TNIP3: variants seen among roughly 807,000 people sequenced by gnomAD.
The protein encoded by TNIP3 is TNFAIP3 interacting protein 3.
In TNIP3, 34 loss-of-function variants were observed where a neutral mutation model predicts 54.1. That is an observed-to-expected ratio of 0.63 (90% CI 0.48 to 0.84). TNIP3 has a LOEUF of 0.84. TNIP3 is among the 40% of genes least tolerant of loss of function. The probability of loss-of-function intolerance (pLI) is 0.00; values close to 1 mark genes in which losing one functional copy is unlikely to be tolerated. For synonymous variants in TNIP3, 134 were observed against 136.8 expected (o/e 0.98, Z 0.14); for missense variants, 366 against 387.6 (o/e 0.94, Z 0.47).
At chr4:121,213,652 T>A (rs929548441) in intron 2 of TNIP3, among the ~76,000 whole-genome samples, 2 of 149,112 alleles carry the variant, frequency 1.3e-5, no homozygotes, top group African/African-American at 5.0e-5. Flanking sequence ...GCATGAACCC[T>A]GGAGGTGGAG....
At chr4:121,141,390 T>G (rs74507662) in intron 9 of TNIP3, among the ~76,000 whole-genome samples, 3,227 of 152,312 alleles carry the variant, frequency 0.021, 75 homozygotes, top group Admixed American at 0.034. Flanking sequence ...TTGGAAAATG[T>G]CAAAATCTAT....
In TNIP3 at chr4:121,182,903, C is replaced by T. The variant is rs1384743835; in HGVS notation, c.69-107G>A. On this transcript the variant is annotated intron_variant, in intron 2 of 12. Transcript: ENST00000507879. The stretch of plus-strand genomic sequence containing the variant: ...ATGGAGGTGTTATTTATGTATGATA[C>T]TTCTCTACGATCTCCCAAACTCTAA... 3.6e-6 allele frequency: 4 copies of T among 1,112,364 alleles called. No individual in the cohort carries two copies. In the African/African-American group the frequency reaches 4.7e-5, roughly 13 times the overall value. The allele number at this position is 1,112,364 out of a possible 1,614,324, so 68.9% of individuals were successfully genotyped here. A position where few individuals can be genotyped will look rare whatever the true frequency, so the allele number is the denominator to read the frequency against.
At chr4:121,136,411 T>C (rs1253420904) in intron 10 of TNIP3, among the ~76,000 whole-genome samples, 1 of 152,226 alleles carries the variant, frequency 6.6e-6, no homozygotes, top group Non-Finnish European at 1.5e-5. Context: ...ATATATCAAA[T>C]AATCTAATCC....
At chr4:121,162,025 T>A (rs1730485038) in intron 1 of TNIP3, among the ~76,000 whole-genome samples, 1 of 152,236 alleles carries the variant, frequency 6.6e-6, no homozygotes, top group African/African-American at 2.4e-5. Context: ...TACAATTTAT[T>A]GGATGATGAG....
chr4:121,165,411 C>T (rs766063191), upstream of TNIP3, among the ~76,000 whole-genome samples: 14 of 151,960 alleles, frequency 9.2e-5, no homozygotes, highest in African/African-American at 2.4e-4. Flanking sequence ...AACCTTATGA[C>T]GGGGAAAACC....
intron 8 of TNIP3, 27 bp from the exon 9 acceptor site, chr4:121,141,941 C>T (rs1729146486): frequency 6.6e-7 from 1 of 1,521,894 alleles, no homozygotes; most frequent in Non-Finnish European, 8.9e-7. Context: ...TGTGGGGTCA[C>T]TACCAGTGGG....
chr4:121,186,258 TG>T (rs1725012852), intron 2 of TNIP3, among the ~76,000 whole-genome samples: 1 of 151,942 alleles, frequency 6.6e-6, no homozygotes, highest in Non-Finnish European at 1.5e-5. Flanking sequence ...ATGGAGAGAG[TG>T]GGCGTCAGTG....
intron 2 of TNIP3, among the ~76,000 whole-genome samples, chr4:121,205,777 T>G (rs1359055216): frequency 6.6e-6 from 1 of 152,172 alleles, no homozygotes; most frequent in African/African-American, 2.4e-5. Context: ...ATAATAAAGT[T>G]GCCCTTTATT....
chr4:121,178,535 C>T (rs1271359733), intron 3 of TNIP3, among the ~76,000 whole-genome samples: 1 of 152,186 alleles, frequency 6.6e-6, no homozygotes, highest in East Asian at 1.9e-4. Context: ...CCCAAAGGTG[C>T]TCCTAAGAGT....
chr4:121,189,182 G>A (rs539994588), intron 2 of TNIP3, among the ~76,000 whole-genome samples: 1 of 152,272 alleles, frequency 6.6e-6, no homozygotes, highest in African/African-American at 2.4e-5. Context: ...AAGAATTTAG[G>A]ATGTTAGTGT....
At chr4:121,156,971 C>T in intron 4 of TNIP3, 123 bp downstream of exon 4, 1 of 1,277,602 alleles carries the variant, frequency 7.8e-7, no homozygotes. Context: ...TGCACCCTTG[C>T]ACATCGGTCG....
chr4:121,207,895 G>A (rs1726271066), intron 2 of TNIP3, among the ~76,000 whole-genome samples: 1 of 152,186 alleles, frequency 6.6e-6, no homozygotes, highest in Non-Finnish European at 1.5e-5. Context: ...TAATTCCCAT[G>A]TGTTATGGGA....
intron 2 of TNIP3, among the ~76,000 whole-genome samples, chr4:121,193,125 G>A (rs1725387483): frequency 6.6e-6 from 1 of 152,052 alleles, no homozygotes; most frequent in African/African-American, 2.4e-5. Flanking sequence ...CTAATGCAAG[G>A]GGTCTGACAA....
intron 1 of TNIP3, among the ~76,000 whole-genome samples, chr4:121,222,952 CCCA>C (rs1279842097): frequency 2.0e-5 from 3 of 151,808 alleles, no homozygotes; most frequent in African/African-American, 4.8e-5. Context: ...ACTACAGGCG[CCCA>C]CCACCACGCC....
Position 121,205,255 on chromosome 4 carries a change from A to G in TNIP3, c.68+11160T>C, listed in dbSNP as rs536332339. ...AGGTGTAGTATGGGCCATGTGGCTT[A>G]TTGGGGAAAGAGCATTCCCTGTAAA... On this transcript the variant is annotated intron_variant, in intron 2 of 12. Coordinates refer to the TNIP3 transcript ENST00000507879. Among the ~76,000 whole-genome samples, 9 of 152,296 alleles carry G rather than the reference A, an allele frequency of 5.9e-5. No homozygotes were observed. The South Asian group carries it at 1.9e-3, about 32-fold the overall frequency.
At chr4:121,204,850 C>T (rs1244398683) in intron 2 of TNIP3, among the ~76,000 whole-genome samples, 1 of 152,170 alleles carries the variant, frequency 6.6e-6, no homozygotes, top group Non-Finnish European at 1.5e-5. Context: ...TATTTTCCTA[C>T]AACTGAAGTC....
At chr4:121,222,368 C>A (rs1050206051) in intron 1 of TNIP3, among the ~76,000 whole-genome samples, 1 of 152,208 alleles carries the variant, frequency 6.6e-6, no homozygotes, top group African/African-American at 2.4e-5. Context: ...CTTTTTCAAA[C>A]GTGTATTGGA....
intron 3 of TNIP3, among the ~76,000 whole-genome samples, chr4:121,171,915 T>G (rs1489941881): frequency 8.6e-5 from 13 of 151,974 alleles, no homozygotes; most frequent in Non-Finnish European, 1.9e-4. Flanking sequence ...GTATTTTTAG[T>G]AGAGATGGGG....
At chr4:121,222,715 T>C (rs1439560165) in intron 1 of TNIP3, among the ~76,000 whole-genome samples, 1 of 151,874 alleles carries the variant, frequency 6.6e-6, no homozygotes, top group Non-Finnish European at 1.5e-5. Flanking sequence ...TTATGGGACA[T>C]AAATGTTATT....
Sources: gnomAD v4.1 joint callset for allele counts (sites outside exome capture counted in the v4.1 genomes callset) on GRCh38, gnomAD v4.1.1 for gene constraint, MANE v1.5 for transcripts, NCBI Gene and HGNC (gene_info 2026-07-23, HGNC 2026-07-21) for gene names.